The following CELF2 variants were observed in gnomAD, a reference collection of about 807,000 sequenced individuals.
CELF2 encodes the protein CUGBP Elav-like family member 2, also known as CUG triplet repeat RNA-binding protein 2.
CELF2 carries 8 observed loss-of-function variants against 62.6 expected under a neutral mutation model. The ratio of observed to expected loss-of-function variants is 0.13; its 90% CI spans 0.07 to 0.23. The LOEUF (loss-of-function observed/expected upper bound fraction) is 0.23. Ranked by LOEUF, CELF2 falls within the 10% of genes least tolerant of loss-of-function variation. The pLI, the probability that CELF2 is intolerant of heterozygous loss-of-function variation, is 1.00. For missense variants in CELF2, 333 were observed against 671.0 expected, an observed-to-expected ratio of 0.50 and a Z score of 5.56; for synonymous variants, 258 against 250.0, an observed-to-expected ratio of 1.03 and a Z score of -0.30.
rs1171207605 is a variant in CELF2 at position 11,309,842 on chromosome 10, G to A, written c.977-4297G>A. ...TTGTTTCTGACAGTGCCTGAGGTTT[G>A]AACTTTCCTATACTCTGTTCCAAAT... On this transcript the variant is annotated intron_variant, in intron 9 of 12. Transcript: ENST00000633077. This position sits in a 1 kb window ranked among gnomAD's most constrained non-coding sequence, Gnocchi z 5.6. Among the ~76,000 whole-genome samples the A allele has an allele frequency of 1.3e-5, 2 of 152,172 alleles. No homozygotes were observed. The highest frequency in any genetic ancestry group is 4.1e-4 in the South Asian group (2 of 4,832).
intron 4 of CELF2, among the ~76,000 whole-genome samples, chr10:11,254,158 G>A (rs2077991239): frequency 6.6e-6 from 1 of 152,218 alleles, no homozygotes; most frequent in East Asian, 1.9e-4. Flanking sequence ...GGGACCCTCA[G>A]AATGGGAATT....
At chr10:11,118,622 G>A (rs886787487) in intron 1 of CELF2, among the ~76,000 whole-genome samples, 4 of 152,200 alleles carry the variant, frequency 2.6e-5, no homozygotes, top group Admixed American at 2.6e-4. Flanking sequence ...CTAGTCAGTA[G>A]AAAAGCTGAA....
At chr10:10,737,293 T>C in the CELF2 span, among the ~76,000 whole-genome samples, 1 of 152,192 alleles carries the variant, frequency 6.6e-6, no homozygotes, top group Non-Finnish European at 1.5e-5. Context: ...TCTAGTACTT[T>C]ATATTAGCCT....
At chr10:10,985,346 T>A (rs904525343) in intron 2 of CELF2, among the ~76,000 whole-genome samples, 2 of 150,358 alleles carry the variant, frequency 1.3e-5, no homozygotes, top group African/African-American at 2.5e-5. Context: ...AAAAAAAAAA[T>A]AAGGCTTTAT....
chr10:11,259,868 T>C (rs2079963796), intron 5 of CELF2, among the ~76,000 whole-genome samples: 1 of 152,218 alleles, frequency 6.6e-6, no homozygotes, highest in Non-Finnish European at 1.5e-5. Flanking sequence ...AAAGATGTGA[T>C]CATATTTTTG....
the CELF2 span, among the ~76,000 whole-genome samples, chr10:10,754,691 C>A: frequency 1.4e-4 from 21 of 152,226 alleles, 1 homozygote; most frequent in South Asian, 4.4e-3. Flanking sequence ...TTTAAAACAC[C>A]AGTAATGTGG....
intron 1 of CELF2, among the ~76,000 whole-genome samples, chr10:10,881,029 G>A (rs1321130102): frequency 6.6e-6 from 1 of 152,068 alleles, no homozygotes; most frequent in African/African-American, 2.4e-5. Flanking sequence ...TCCAGACCCC[G>A]GTGATTGCTA....
chr10:11,040,451 C>T (rs1356521265), intron 1 of CELF2, among the ~76,000 whole-genome samples: 2 of 152,026 alleles, frequency 1.3e-5, no homozygotes, highest in Non-Finnish European at 2.9e-5. Context: ...ATAATTTGTA[C>T]AGAATTTTAA....
At chr10:10,720,641 T>C in the CELF2 span, among the ~76,000 whole-genome samples, 1 of 152,120 alleles carries the variant, frequency 6.6e-6, no homozygotes, top group Non-Finnish European at 1.5e-5. Context: ...GTTAAAAAAA[T>C]AGAGAGAAAT....
At chr10:10,735,778 G>A in the CELF2 span, among the ~76,000 whole-genome samples, 1 of 152,198 alleles carries the variant, frequency 6.6e-6, no homozygotes, top group East Asian at 1.9e-4. Flanking sequence ...GATATTTAAT[G>A]TATTTGTGAG....
At chr10:10,738,147 T>G in the CELF2 span, among the ~76,000 whole-genome samples, 17 of 152,210 alleles carry the variant, frequency 1.1e-4, no homozygotes, top group Admixed American at 1.1e-3. Context: ...AGGTTTCACT[T>G]TTGCTTTTTA....
rs1053799782 is a variant in CELF2 at position 11,260,106 on chromosome 10, C to A, written c.538+2234C>A. ...TACTGAAATGAAATAGAACTTTAGTCATTTTATTTTCTTACCTCTGTCCTG... is the reference window on the plus strand; with the variant it reads ...TACTGAAATGAAATAGAACTTTAGTAATTTTATTTTCTTACCTCTGTCCTG... On this transcript the variant is annotated intron_variant, in intron 5 of 12. Coordinates refer to ENST00000633077, the MANE Select transcript of CELF2 (RefSeq NM_001326342.2). This position sits in a 1 kb window ranked among gnomAD's most constrained non-coding sequence, Gnocchi z 4.2. Among the ~76,000 whole-genome samples the A allele has an allele frequency of 1.3e-5, 2 of 152,200 alleles. No individual in the cohort carries two copies. Among genetic ancestry groups the A allele is most frequent in the African/African-American group, 4.8e-5 (2 of 41,446 alleles).
the CELF2 span, among the ~76,000 whole-genome samples, chr10:10,537,218 C>T: frequency 3.9e-5 from 6 of 152,114 alleles, no homozygotes; most frequent in Non-Finnish European, 8.8e-5. Flanking sequence ...ACCAAGAGCT[C>T]GTTGGCCATG....
intron 1 of CELF2, among the ~76,000 whole-genome samples, chr10:11,107,527 C>T (rs918442142): frequency 5.9e-5 from 9 of 152,076 alleles, no homozygotes; most frequent in Non-Finnish European, 1.2e-4. Flanking sequence ...TTTGAATTCA[C>T]ACTTACTGCA....
chr10:10,771,782 T>A, the CELF2 span, among the ~76,000 whole-genome samples: 2 of 152,336 alleles, frequency 1.3e-5, no homozygotes, highest in Non-Finnish European at 2.9e-5. Flanking sequence ...TTAAACCTCT[T>A]TCTTTTGTAA....
the CELF2 span, among the ~76,000 whole-genome samples, chr10:10,595,972 G>T: frequency 2.0e-5 from 3 of 152,284 alleles, no homozygotes; most frequent in South Asian, 4.2e-4. Flanking sequence ...GGGTCACTCT[G>T]ATCTGCAGAA....
chr10:10,469,720 AT>A, the CELF2 span, among the ~76,000 whole-genome samples: 7 of 151,424 alleles, frequency 4.6e-5, no homozygotes, highest in Non-Finnish European at 7.4e-5. Flanking sequence ...AGAATTGGTA[AT>A]TTTTTTTCTT....
chr10:10,854,905 G>C (rs1165105068), intron 1 of CELF2, among the ~76,000 whole-genome samples: 1 of 151,830 alleles, frequency 6.6e-6, no homozygotes, highest in Admixed American at 6.6e-5. Flanking sequence ...TGGGCTCCAG[G>C]GGAGGAAAAT....
chr10:10,895,668 C>T (rs2062494592), intron 1 of CELF2, among the ~76,000 whole-genome samples: 1 of 152,024 alleles, frequency 6.6e-6, no homozygotes, highest in Admixed American at 6.6e-5. Flanking sequence ...TGCTTCTGAC[C>T]CAGATGGAGT....
Sources: allele counts gnomAD v4.1 joint callset (sites outside exome capture counted in the v4.1 genomes callset), GRCh38; gene constraint gnomAD v4.1.1; non-coding constraint Gnocchi (gnomAD v3.1); transcripts MANE v1.5; gene names NCBI Gene and HGNC (gene_info 2026-07-23, HGNC 2026-07-21).